Variants in C16orf74 observed in about 807,000 individuals in gnomAD.
C16orf74 encodes the protein uncharacterized protein C16orf74.
A neutral mutation model predicts 6.5 loss-of-function variants in C16orf74; 10 were observed. The ratio of observed to expected loss-of-function variants is 1.54; its 90% CI spans 0.95 to 2.61. C16orf74 has a LOEUF of 2.61. Ranked by LOEUF, C16orf74 falls within the 30% of genes most tolerant of loss-of-function variation. The pLI, the probability that C16orf74 is intolerant of heterozygous loss-of-function variation, is 0.00. For synonymous variants in C16orf74, 60 were observed against 42.5 expected (o/e 1.41, Z -1.60); for missense variants, 141 against 105.9 (o/e 1.33, Z -1.45).
At chr16:85,720,098 A>T (rs2152059978) in intron 2 of C16orf74, among the ~76,000 whole-genome samples, 1 of 148,918 alleles carries the variant, frequency 6.7e-6, no homozygotes, top group Non-Finnish European at 1.5e-5. Context: ...TTGTGTTATT[A>T]TGGATGAGGC....
At chr16:85,712,542 C>G (rs1039335485) in intron 2 of C16orf74, among the ~76,000 whole-genome samples, 1 of 152,156 alleles carries the variant, frequency 6.6e-6, no homozygotes, top group Non-Finnish European at 1.5e-5. Context: ...CCTGGGCTGT[C>G]AGGGATGATC....
rs928449193 is a variant in C16orf74, at chr16:85,707,715, C to G, written c.*293G>C. The stretch of plus-strand genomic sequence containing the variant: ...TGTGTTTGTCCAGAAGAGAGCCTCT[C>G]CCTGGGACCCCAACAGCCAGGACCA... On this transcript the variant is annotated 3_prime_UTR_variant, in exon 4 of 4. Coordinates refer to ENST00000284245, the MANE Select transcript of C16orf74 (RefSeq NM_206967.3). 2.3e-6 allele frequency: 1 copy of G among 443,624 alleles called. No homozygotes were observed. The highest frequency in any genetic ancestry group is 4.0e-6 in the Non-Finnish European group (1 of 247,406). 27.5% of individuals were successfully genotyped at this position (443,624 alleles called of 1,614,324 possible).
chr16:85,735,016 T>A (rs1311777858), intron 2 of C16orf74, among the ~76,000 whole-genome samples, 174 bp downstream of exon 2: 2 of 152,060 alleles, frequency 1.3e-5, no homozygotes, highest in Non-Finnish European at 2.9e-5. Context: ...CCTGGAGGGG[T>A]GCTCAGAGTC....
chr16:85,735,166 TG>T, intron 2 of C16orf74, 23 bp downstream of exon 2: 1 of 1,596,418 alleles, frequency 6.3e-7, no homozygotes, highest in Non-Finnish European at 8.5e-7. Flanking sequence ...TGAGAGCTGG[TG>T]GGGGCAGAGC....
At chr16:85,712,007 C>T (rs116445127) in intron 2 of C16orf74, among the ~76,000 whole-genome samples, 1,579 of 152,298 alleles carry the variant, frequency 0.01, 33 homozygotes, top group African/African-American at 0.036. Context: ...GTGACTTCCA[C>T]GGTGAGGTCA....
intron 2 of C16orf74, among the ~76,000 whole-genome samples, chr16:85,722,877 G>C (rs927732682): frequency 1.3e-5 from 2 of 152,208 alleles, no homozygotes; most frequent in African/African-American, 4.8e-5. Flanking sequence ...CACAGGACTT[G>C]GCTCCTGAAA....
At chr16:85,746,916 G>A (rs1307183237) in intron 1 of C16orf74, among the ~76,000 whole-genome samples, 1 of 152,220 alleles carries the variant, frequency 6.6e-6, no homozygotes, top group African/African-American at 2.4e-5. Flanking sequence ...AAGCGATACT[G>A]CAAGCATTCA....
intron 2 of C16orf74, among the ~76,000 whole-genome samples, chr16:85,719,736 A>T (rs1386124188): frequency 6.6e-6 from 1 of 152,124 alleles, no homozygotes; most frequent in Non-Finnish European, 1.5e-5. Context: ...GCGGCAGGAG[A>T]GATTCCCGAG....
chr16:85,707,732 C>A lies in C16orf74; in HGVS notation c.*276G>T. ...GAGCCTCTCCCTGGGACCCCAACAG[C>A]CAGGACCATGGCGCTCCCTTTCACC... On this transcript the variant is annotated 3_prime_UTR_variant, in exon 4 of 4. Coordinates refer to ENST00000284245, the MANE Select transcript of C16orf74 (RefSeq NM_206967.3). 1 of 475,264 alleles carries A rather than the reference C, an allele frequency of 2.1e-6. No homozygotes were observed. Among genetic ancestry groups the A allele is most frequent in the South Asian group, 2.7e-5 (1 of 37,006 alleles). 29.4% of individuals were successfully genotyped at this position (475,264 alleles called of 1,614,324 possible).
At chr16:85,708,242 G>A (rs895488500) in intron 3 of C16orf74, among the ~76,000 whole-genome samples, 176 bp from the exon 4 acceptor site, 6 of 152,134 alleles carry the variant, frequency 3.9e-5, no homozygotes, top group African/African-American at 1.4e-4. Flanking sequence ...ATCGGACCCC[G>A]GAACTGCTTC....
chr16:85,737,470 T>A (rs1356856160), intron 1 of C16orf74, among the ~76,000 whole-genome samples: 1 of 152,110 alleles, frequency 6.6e-6, no homozygotes, highest in Non-Finnish European at 1.5e-5. Flanking sequence ...GGCTGAGGCA[T>A]GAGGATCACT....
intron 2 of C16orf74, among the ~76,000 whole-genome samples, chr16:85,733,232 G>A (rs533162728): frequency 1.3e-5 from 2 of 152,338 alleles, no homozygotes; most frequent in African/African-American, 4.8e-5. Context: ...GAAAAGGAAC[G>A]AAGCAGTGAT....
intron 2 of C16orf74, among the ~76,000 whole-genome samples, chr16:85,721,978 CTTTTTTTTTTT>C (rs146218477): frequency 3.3e-5 from 3 of 91,142 alleles, no homozygotes; most frequent in African/African-American, 1.3e-4. Context: ...AGATTCTAAC[CTTTTTTTTTTT>C]TTTTTTTTTT....
At chr16:85,749,868 C>T (rs1472411790) in intron 1 of C16orf74, among the ~76,000 whole-genome samples, 4 of 152,210 alleles carry the variant, frequency 2.6e-5, no homozygotes, top group Non-Finnish European at 5.9e-5. Flanking sequence ...CTTTCAGCCT[C>T]CTTGGGGCTG....
chr16:85,708,826 C>T (rs900677849), intron 3 of C16orf74, among the ~76,000 whole-genome samples: 3 of 152,244 alleles, frequency 2.0e-5, no homozygotes, highest in African/African-American at 7.2e-5. Context: ...TGGATTCCCC[C>T]TCCCAGACAG....
intron 1 of C16orf74, among the ~76,000 whole-genome samples, chr16:85,737,607 A>G (rs1047568692): frequency 1.3e-5 from 2 of 152,194 alleles, no homozygotes; most frequent in Admixed American, 1.3e-4. Flanking sequence ...AGGTGGGCAG[A>G]TCACCTGAGG....
intron 2 of C16orf74, among the ~76,000 whole-genome samples, chr16:85,728,231 G>C (rs1224015818): frequency 1.3e-5 from 2 of 152,174 alleles, no homozygotes; most frequent in African/African-American, 4.8e-5. Flanking sequence ...GCTGTAACGA[G>C]TGGACCGTGT....
Position 85,710,281 on chromosome 16 carries a change from T to A in C16orf74, c.55A>T (p.Ser19Cys). ...KGFQMCVSSS[S>C]SSHDEAPVLN... The stretch of plus-strand genomic sequence containing the variant: ...ACGGGGGCCTCGTCGTGGCTGCTGC[T>A]GCTGCTGCTGACACACATTTGAAAG... The change falls in exon 3 of 4, where the codon AGC (serine) becomes TGC (cysteine). Residue 19 changes from serine to cysteine, a missense_variant. By Grantham distance (112) the Ser-to-Cys change is moderately radical. Coordinates refer to ENST00000284245, the MANE Select transcript of C16orf74 (RefSeq NM_206967.3). 1 of 1,508,476 alleles carries A rather than the reference T, an allele frequency of 6.6e-7. No individual in the cohort carries two copies. The highest frequency in any genetic ancestry group is 1.3e-5 in the South Asian group (1 of 76,570). 93.4% of individuals were successfully genotyped at this position (1,508,476 alleles called of 1,614,324 possible). A position where few individuals can be genotyped will look rare whatever the true frequency, so the allele number is the denominator to read the frequency against.
In C16orf74 at chr16:85,735,974, C is replaced by T. The variant is rs1302802014; in HGVS notation, c.-18-739G>A. On this transcript the variant is annotated intron_variant, in intron 1 of 3. Transcript: ENST00000284245. ...AAATCAGGGCTCAGAGAGGTGGCGGCACCTGCCCAAGGCTACCAGCTTACT... is the reference window on the plus strand; with the variant it reads ...AAATCAGGGCTCAGAGAGGTGGCGGTACCTGCCCAAGGCTACCAGCTTACT... Among the ~76,000 whole-genome samples, 3 of 152,162 alleles carry T rather than the reference C, an allele frequency of 2.0e-5. No individual in the cohort carries two copies. In the East Asian group the frequency reaches 5.8e-4, roughly 29 times the overall value.
Sources: gnomAD v4.1 joint callset for allele counts (sites outside exome capture counted in the v4.1 genomes callset) on GRCh38, gnomAD v4.1.1 for gene constraint, MANE v1.5 for transcripts, NCBI Gene and HGNC (gene_info 2026-07-23, HGNC 2026-07-21) for gene names.